PTCHD4: variants seen among roughly 807,000 people sequenced by gnomAD.
PTCHD4 encodes patched domain-containing protein 4.
A neutral mutation model predicts 58.1 loss-of-function variants in PTCHD4; 33 were observed. The ratio of observed to expected loss-of-function variants is 0.57; its 90% confidence interval spans 0.43 to 0.76. The LOEUF is 0.76. Among genes scored for constraint, PTCHD4 ranks in the 30% least tolerant of loss-of-function variants. The pLI is 0.00. For missense variants in PTCHD4, 1,058 were observed against 1,027.1 expected (o/e 1.03, Z -0.41); for synonymous variants, 478 against 409.6 (o/e 1.17, Z -2.02).
intron 4 of PTCHD4, among the ~76,000 whole-genome samples, chr6:47,985,042 C>T (rs1185736682): frequency 6.6e-6 from 1 of 152,046 alleles, no homozygotes; most frequent in Non-Finnish European, 1.5e-5. Flanking sequence ...ATAATTATGA[C>T]CATTCCAACA....
At chr6:47,892,052 G>A (rs913696007) in intron 4 of PTCHD4, among the ~76,000 whole-genome samples, 2 of 152,128 alleles carry the variant, frequency 1.3e-5, no homozygotes, top group Admixed American at 1.3e-4. Context: ...ACTGAAAAGA[G>A]AATGCCAGTT....
rs973720508 is a variant in PTCHD4, at chr6:47,870,731, G to T, written c.*7572C>A. Among the ~76,000 whole-genome samples, 1 of 151,544 alleles carries T rather than the reference G, an allele frequency of 6.6e-6. No homozygotes were observed. Among genetic ancestry groups the T allele is most frequent in the East Asian group, 1.9e-4 (1 of 5,134 alleles). ...ATTTTTGGATGGAAATACAACTTGG[G>T]TAATGTTTTTTTGATTTGACATTTT... On this transcript the variant is annotated 3_prime_UTR_variant, in exon 5 of 5. Transcript: ENST00000339488.
chr6:47,873,679 G>A lies in PTCHD4; in HGVS notation c.*4624C>T, dbSNP rs9296586. ...CTATCCTATATATCTGCAGCTCACT[G>A]ATTTAAAATATTAGCATAAAGGTCC... On this transcript the variant is annotated 3_prime_UTR_variant, in exon 5 of 5. Coordinates refer to ENST00000339488, the MANE Select transcript of PTCHD4 (RefSeq NM_001384253.1). Among the ~76,000 whole-genome samples the A allele has an allele frequency of 6.6e-6, 1 of 151,272 alleles. No homozygotes were observed. The highest frequency in any genetic ancestry group is 1.5e-5 in the Non-Finnish European group (1 of 67,644).
chr6:48,110,610 A>G (rs1201026639), intron 1 of PTCHD4, among the ~76,000 whole-genome samples: 1 of 150,562 alleles, frequency 6.6e-6, no homozygotes, highest in Non-Finnish European at 1.5e-5. Context: ...AAATTTGCTG[A>G]GTAGAGTCCA....
intron 4 of PTCHD4, among the ~76,000 whole-genome samples, chr6:48,007,640 T>G (rs1159584733): frequency 6.6e-6 from 1 of 152,216 alleles, no homozygotes; most frequent in Non-Finnish European, 1.5e-5. Context: ...ATCTTTCCAT[T>G]ACCTAATTAG....
intron 4 of PTCHD4, among the ~76,000 whole-genome samples, chr6:47,995,861 T>A (rs1188715285): frequency 6.6e-6 from 1 of 152,186 alleles, no homozygotes; most frequent in African/African-American, 2.4e-5. Flanking sequence ...CAGCCACCCA[T>A]GCTATGAAAC....
intron 4 of PTCHD4, chr6:47,901,706 A>C: frequency 8.7e-7 from 1 of 1,152,356 alleles, no homozygotes; most frequent in Non-Finnish European, 1.1e-6. Context: ...CAAAAAATAG[A>C]GGGCTGGGTT....
intron 4 of PTCHD4, among the ~76,000 whole-genome samples, chr6:47,883,376 A>G (rs991390818): frequency 6.6e-6 from 1 of 152,190 alleles, no homozygotes; most frequent in African/African-American, 2.4e-5. Context: ...AAGAGCATGA[A>G]TAAAGAAGAG....
rs1259887430 is a variant in PTCHD4 at position 47,859,898 on chromosome 6, C to T, written c.*18405G>A. Among the ~76,000 whole-genome samples, 2 of 151,862 alleles carry T rather than the reference C, an allele frequency of 1.3e-5. No homozygotes were observed. The highest frequency in any genetic ancestry group is 2.9e-5 in the Non-Finnish European group (2 of 67,942). On this transcript the variant is annotated 3_prime_UTR_variant, in exon 5 of 5. Coordinates refer to ENST00000339488, the MANE Select transcript of PTCHD4 (RefSeq NM_001384253.1). Reference sequence around the variant, plus strand: ...CAATGACAAAAGACCAAAGGGGGTGCATGGTTGATGCAGAGAGAACAAAGG... The same window carrying T: ...CAATGACAAAAGACCAAAGGGGGTGTATGGTTGATGCAGAGAGAACAAAGG...
chr6:47,906,700 A>G (rs952418642), intron 4 of PTCHD4, among the ~76,000 whole-genome samples: 5 of 152,144 alleles, frequency 3.3e-5, no homozygotes, highest in African/African-American at 1.2e-4. Context: ...TCTTGACATA[A>G]TATCAGTGTT....
At position 48,068,741 on chromosome 6, in the gene PTCHD4, C is replaced by G; in HGVS notation, c.6-100G>C. The stretch of plus-strand genomic sequence containing the variant: ...CCCCCTCCCCACCGCCGCCGCCTCC[C>G]CACCCACTCCGCGCTCACCCCACAA... On this transcript the variant is annotated intron_variant, in intron 2 of 4. Transcript: ENST00000339488. This position sits in a 1 kb window ranked among gnomAD's most constrained non-coding sequence, Gnocchi z 4.2. 1 of 1,183,312 alleles carries G rather than the reference C, an allele frequency of 8.5e-7. No individual in the cohort carries two copies. The highest frequency in any genetic ancestry group is 1.2e-6 in the Non-Finnish European group (1 of 860,732). The allele number at this position is 1,183,312 out of a possible 1,614,324, so 73.3% of individuals were successfully genotyped here.
chr6:48,076,219 A>G (rs544000645), intron 1 of PTCHD4, among the ~76,000 whole-genome samples: 127 of 152,366 alleles, frequency 8.3e-4, no homozygotes, highest in African/African-American at 3.0e-3. Flanking sequence ...GCAGCAATTC[A>G]GTCTCATCTT....
At chr6:47,880,058 C>A in intron 4 of PTCHD4, 122 bp from the exon 5 acceptor site, 1 of 812,722 alleles carries the variant, frequency 1.2e-6, no homozygotes, top group Non-Finnish European at 1.8e-6. Flanking sequence ...GGGCTGTGAT[C>A]CTCCTATCAG....
At position 48,079,682 on chromosome 6, in the gene PTCHD4, T is replaced by C. The variant is rs187832112; in HGVS notation, c.-969-9756A>G. Reference sequence around the variant, plus strand: ...TTAGAATGAAAATACCTTGTGACAATAAAAAGCAGACCAGTGTTTAGTCTA... The same window carrying C: ...TTAGAATGAAAATACCTTGTGACAACAAAAAGCAGACCAGTGTTTAGTCTA... On this transcript the variant is annotated intron_variant, in intron 1 of 4. Coordinates refer to ENST00000339488, the MANE Select transcript of PTCHD4 (RefSeq NM_001384253.1). 2.9e-3 allele frequency among the ~76,000 whole-genome samples: 438 copies of C among 151,282 alleles called. 1 individual carries two copies. Among genetic ancestry groups the C allele is most frequent in the Non-Finnish European group, 4.1e-3 (276 of 67,836 alleles).
At chr6:47,953,808 T>G (rs1766744707) in intron 4 of PTCHD4, among the ~76,000 whole-genome samples, 1 of 152,212 alleles carries the variant, frequency 6.6e-6, no homozygotes, top group South Asian at 2.1e-4. Flanking sequence ...AGATGGAATC[T>G]TCCTTTAATT....
chr6:47,879,353 A>G lies in PTCHD4; in HGVS notation c.1482T>C (p.Ser494=). 6.2e-7 allele frequency: 1 copy of G among 1,613,534 alleles called. No homozygotes were observed. Among genetic ancestry groups the G allele is most frequent in the Non-Finnish European group, 8.5e-7 (1 of 1,179,708 alleles). The change falls in exon 5 of 5, where the codon AGT becomes AGC. Residue 494 remains serine, a synonymous_variant. Coordinates refer to ENST00000339488, the MANE Select transcript of PTCHD4 (RefSeq NM_001384253.1). ...DGANIINLLA[S]DSPSVSYAMV... Reference sequence around the variant, plus strand: ...TGGCATAGGAAACACTTGGCGAATCACTGGCTAGTAGATTGATGATGTTGG... The same window carrying G: ...TGGCATAGGAAACACTTGGCGAATCGCTGGCTAGTAGATTGATGATGTTGG...
At chr6:48,066,451 T>G (rs1339224049) in intron 3 of PTCHD4, among the ~76,000 whole-genome samples, 1 of 152,176 alleles carries the variant, frequency 6.6e-6, no homozygotes, top group Non-Finnish European at 1.5e-5. Context: ...AAAAACCAAC[T>G]GAAGTTTATA....
chr6:47,916,054 A>AGT (rs1318768222), intron 4 of PTCHD4, among the ~76,000 whole-genome samples: 1 of 152,108 alleles, frequency 6.6e-6, no homozygotes, highest in Non-Finnish European at 1.5e-5. Flanking sequence ...TGAAGCTGTG[A>AGT]GTGTGAGCAA....
At chr6:48,079,516 T>C (rs1045087507) in intron 1 of PTCHD4, among the ~76,000 whole-genome samples, 3 of 151,802 alleles carry the variant, frequency 2.0e-5, no homozygotes, top group African/African-American at 7.3e-5. Flanking sequence ...GAGTACAGTA[T>C]TCCCTACTTC....
Sources: allele counts gnomAD v4.1 joint callset (sites outside exome capture counted in the v4.1 genomes callset), GRCh38; gene constraint gnomAD v4.1.1; non-coding constraint Gnocchi (gnomAD v3.1); transcripts MANE v1.5; gene names NCBI Gene and HGNC (gene_info 2026-07-23, HGNC 2026-07-21).